Variants in HS2ST1 observed in about 807,000 individuals in gnomAD.
The protein encoded by HS2ST1 is heparan sulfate 2-O-sulfotransferase 1, also known as 2-O-sulfotransferase.
A neutral mutation model predicts 42.9 loss-of-function variants in HS2ST1; 18 were observed. That is an observed-to-expected ratio of 0.42 (90% confidence interval 0.29 to 0.62). The LOEUF (loss-of-function observed/expected upper bound fraction) is 0.62. HS2ST1 is among the 20% of genes least tolerant of loss of function. The pLI is 0.21. For synonymous variants in HS2ST1, 146 were observed against 152.9 expected, an observed-to-expected ratio of 0.95 and a Z score of 0.33; for missense variants, 334 against 433.8, an observed-to-expected ratio of 0.77 and a Z score of 2.04.
chr1:86,942,829 C>G (rs1660791201), intron 1 of HS2ST1, among the ~76,000 whole-genome samples: 1 of 152,118 alleles, frequency 6.6e-6, no homozygotes, highest in Non-Finnish European at 1.5e-5. Context: ...AACTCTTCCC[C>G]CAAATTAGCT....
intron 1 of HS2ST1, among the ~76,000 whole-genome samples, chr1:87,067,215 A>G (rs1352212853): frequency 4.6e-5 from 7 of 152,176 alleles, no homozygotes; most frequent in African/African-American, 7.2e-5. Flanking sequence ...CTATTTCTCC[A>G]CGTCCTCTCC....
At chr1:87,007,759 C>T (rs1649481474) in intron 1 of HS2ST1, among the ~76,000 whole-genome samples, 1 of 152,066 alleles carries the variant, frequency 6.6e-6, no homozygotes. Context: ...TGCAGAATAC[C>T]ATTTCAATGC....
At chr1:87,025,996 TA>T (rs555801179) in intron 1 of HS2ST1, among the ~76,000 whole-genome samples, 44 of 152,310 alleles carry the variant, frequency 2.9e-4, no homozygotes, top group South Asian at 6.2e-4. Context: ...GATACTGTGT[TA>T]AAAAAATATA....
intron 3 of HS2ST1, 72 bp from the exon 4 acceptor site, chr1:87,092,459 C>G: frequency 1.0e-6 from 1 of 1,004,808 alleles, no homozygotes; most frequent in South Asian, 3.1e-5. Context: ...CAGACTTAAA[C>G]ATGTAATTTC....
intron 1 of HS2ST1, among the ~76,000 whole-genome samples, chr1:86,942,900 A>C (rs1660792331): frequency 6.6e-6 from 1 of 150,944 alleles, no homozygotes; most frequent in African/African-American, 2.5e-5. Context: ...CTTAGGCTTG[A>C]AAACTAGGAG....
At chr1:86,944,163 A>G (rs1318521343) in intron 1 of HS2ST1, among the ~76,000 whole-genome samples, 5 of 152,198 alleles carry the variant, frequency 3.3e-5, no homozygotes, top group Non-Finnish European at 7.3e-5. Flanking sequence ...AATTAAGAAA[A>G]AAATTATTCG....
intron 1 of HS2ST1, among the ~76,000 whole-genome samples, chr1:86,935,455 C>CTTTTTTTTTT (rs552713297): frequency 4.7e-4 from 29 of 62,066 alleles, no homozygotes; most frequent in African/African-American, 6.0e-4. Context: ...TCTTTTTCTC[C>CTTTTTTTTTT]TTTTTTTTTT....
intron 2 of HS2ST1, among the ~76,000 whole-genome samples, chr1:87,075,939 G>A: frequency 6.6e-6 from 1 of 151,972 alleles, no homozygotes; most frequent in Non-Finnish European, 1.5e-5. Context: ...ACATTCTTTG[G>A]GGAAATAACA....
At chr1:87,096,793 C>G (rs913872036) in intron 4 of HS2ST1, among the ~76,000 whole-genome samples, 1 of 152,150 alleles carries the variant, frequency 6.6e-6, no homozygotes, top group African/African-American at 2.4e-5. Flanking sequence ...TCAGTTTTTC[C>G]TTCAAGTGAC....
At chr1:87,049,362 GT>G (rs1650776467) in intron 1 of HS2ST1, among the ~76,000 whole-genome samples, 1 of 151,782 alleles carries the variant, frequency 6.6e-6, no homozygotes. Flanking sequence ...ACTAGCTGTG[GT>G]TTAGGTCACT....
At chr1:86,980,925 A>T (rs1648560172) in intron 1 of HS2ST1, among the ~76,000 whole-genome samples, 1 of 152,198 alleles carries the variant, frequency 6.6e-6, no homozygotes, top group Non-Finnish European at 1.5e-5. Flanking sequence ...ATAAAATATG[A>T]ATTAGTCTGT....
intron 2 of HS2ST1, among the ~76,000 whole-genome samples, chr1:87,075,619 G>A (rs1447574823): frequency 6.6e-6 from 1 of 152,054 alleles, no homozygotes; most frequent in Non-Finnish European, 1.5e-5. Context: ...TTTGAGATAT[G>A]TTACCTGACC....
At chr1:87,096,086 T>A (rs901771307) in intron 4 of HS2ST1, among the ~76,000 whole-genome samples, 3 of 152,052 alleles carry the variant, frequency 2.0e-5, no homozygotes, top group African/African-American at 7.2e-5. Context: ...TTCTTTTGGT[T>A]GAATTGAGGA....
intron 1 of HS2ST1, among the ~76,000 whole-genome samples, chr1:87,021,372 C>G (rs1649944801): frequency 1.3e-5 from 2 of 152,184 alleles, no homozygotes; most frequent in South Asian, 4.1e-4. Context: ...CATGTTCTTC[C>G]ATAAATCCCT....
At chr1:86,949,860 G>A (rs1444618817) in intron 1 of HS2ST1, among the ~76,000 whole-genome samples, 1 of 152,152 alleles carries the variant, frequency 6.6e-6, no homozygotes, top group Admixed American at 6.5e-5. Context: ...ATATAAAAAG[G>A]TAGTGAGATG....
intron 1 of HS2ST1, among the ~76,000 whole-genome samples, chr1:87,059,784 C>A (rs1346717589): frequency 6.6e-6 from 1 of 152,082 alleles, no homozygotes; most frequent in Non-Finnish European, 1.5e-5. Context: ...GTTTCATTCC[C>A]AAAAGATGGA....
intron 1 of HS2ST1, among the ~76,000 whole-genome samples, chr1:87,036,535 CA>C (rs1300760509): frequency 1.3e-5 from 2 of 151,836 alleles, no homozygotes; most frequent in African/African-American, 4.8e-5. Flanking sequence ...GAATACTGAG[CA>C]AAGACTCAAA....
chr1:86,996,772 G>A (rs1649114357), intron 1 of HS2ST1, among the ~76,000 whole-genome samples: 1 of 152,098 alleles, frequency 6.6e-6, no homozygotes, highest in Admixed American at 6.6e-5. Flanking sequence ...AAATAACTAT[G>A]CTTATGAATT....
At chr1:86,965,791 G>A (rs539340670) in intron 1 of HS2ST1, among the ~76,000 whole-genome samples, 1 of 152,238 alleles carries the variant, frequency 6.6e-6, no homozygotes, top group South Asian at 2.1e-4. Context: ...TTAAAAAATA[G>A]CATTAAAGTT....
Sources: gnomAD v4.1 joint callset for allele counts (sites outside exome capture counted in the v4.1 genomes callset) on GRCh38, gnomAD v4.1.1 for gene constraint, MANE v1.5 for transcripts, NCBI Gene and HGNC (gene_info 2026-07-23, HGNC 2026-07-21) for gene names.